The following TUBA1C variants were observed in gnomAD, a reference collection of about 807,000 sequenced individuals.
TUBA1C encodes tubulin alpha-1C chain.
Under a neutral mutation model 34.9 loss-of-function variants are expected in TUBA1C, and 16 were observed. The ratio of observed to expected loss-of-function variants is 0.46; its 90% CI spans 0.31 to 0.70. The LOEUF is 0.70. TUBA1C is among the 30% of genes least tolerant of loss of function. TUBA1C has a pLI of 0.05. For missense variants in TUBA1C, 329 were observed against 587.3 expected (o/e 0.56, Z 4.55); for synonymous variants, 177 against 215.9 (o/e 0.82, Z 1.58).
chr12:49,258,693 G>A (rs1942811721), intron 1 of TUBA1C, among the ~76,000 whole-genome samples: 1 of 151,872 alleles, frequency 6.6e-6, no homozygotes, highest in Non-Finnish European at 1.5e-5. Context: ...CTCCCAAAGT[G>A]CTAGGATTAC....
intron 1 of TUBA1C, among the ~76,000 whole-genome samples, chr12:49,232,310 T>C (rs1447951932): frequency 6.6e-6 from 1 of 152,188 alleles, no homozygotes; most frequent in African/African-American, 2.4e-5. Context: ...CTCAGCACAG[T>C]AAGCTTTCTC....
At chr12:49,265,814 A>T (rs1942899843) in intron 1 of TUBA1C, among the ~76,000 whole-genome samples, 1 of 152,124 alleles carries the variant, frequency 6.6e-6, no homozygotes, top group Non-Finnish European at 1.5e-5. Context: ...GAAGCTTTCT[A>T]CTTAAGCCGG....
At chr12:49,244,156 A>G (rs1456739232) in intron 1 of TUBA1C, among the ~76,000 whole-genome samples, 1 of 151,834 alleles carries the variant, frequency 6.6e-6, no homozygotes, top group Non-Finnish European at 1.5e-5. Context: ...TCTCAAAAAA[A>G]AAAAAAAAAG....
At chr12:49,248,807 G>T (rs1942702491) in intron 1 of TUBA1C, among the ~76,000 whole-genome samples, 1 of 147,922 alleles carries the variant, frequency 6.8e-6, no homozygotes, top group South Asian at 2.1e-4. Context: ...GGCGGAGCTT[G>T]CAGTGAGCCA....
At chr12:49,256,317 TAA>T in intron 1 of TUBA1C, 1 of 401,902 alleles carries the variant, frequency 2.5e-6, no homozygotes, top group South Asian at 1.8e-5. Flanking sequence ...TCGTGCAGAG[TAA>T]AGAGAAAGAA....
In TUBA1C at chr12:49,272,310, A is replaced by T; in HGVS notation, c.433A>T (p.Thr145Ser). 1.2e-6 allele frequency: 2 copies of T among 1,614,010 alleles called. No individual in the cohort carries two copies. Among genetic ancestry groups the T allele is most frequent in the Non-Finnish European group, 1.7e-6 (2 of 1,179,960 alleles). ...FLVFHSFGGGTGSGFTSLLME... is the reference protein window; with the variant it reads ...FLVFHSFGGGSGSGFTSLLME... Reference sequence around the variant, plus strand: ...GGTTTTCCACAGCTTTGGTGGGGGAACTGGTTCTGGGTTCACCTCGCTGCT... The same window carrying T: ...GGTTTTCCACAGCTTTGGTGGGGGATCTGGTTCTGGGTTCACCTCGCTGCT... Residue 145 changes from threonine (T) to serine (S), a missense_variant, in exon 4 of 4, where the codon ACT becomes TCT. Coordinates refer to ENST00000301072, the MANE Select transcript of TUBA1C (RefSeq NM_032704.5).
intron 1 of TUBA1C, among the ~76,000 whole-genome samples, chr12:49,235,073 C>G (rs1051994261): frequency 6.6e-6 from 1 of 151,232 alleles, no homozygotes; most frequent in Non-Finnish European, 1.5e-5. Context: ...GCCTCGGCCT[C>G]CCAAAGTGCT....
In TUBA1C at chr12:49,274,309, TTTTTTG is replaced by T. The variant is rs1943033699; in HGVS notation, c.*1083_*1088del. ...AATTTTTTTTTTTTTTTTTTTTTTT[TTTTTTG>T]GTAGAGATGGGGTTTTGCCATGTTG... On this transcript the variant is annotated 3_prime_UTR_variant, in exon 4 of 4. Coordinates refer to ENST00000301072, the MANE Select transcript of TUBA1C (RefSeq NM_032704.5). The T allele has an allele frequency of 7.4e-6, 1 of 135,920 alleles. No individual in the cohort carries two copies. Among genetic ancestry groups the T allele is most frequent in the African/African-American group, 2.8e-5 (1 of 35,860 alleles). 8.4% of individuals were successfully genotyped at this position (135,920 alleles called of 1,614,324 possible). A position where few individuals can be genotyped will look rare whatever the true frequency, so the allele number is the denominator to read the frequency against.
chr12:49,232,693 T>C (rs1421956572), intron 1 of TUBA1C: 1 of 152,230 alleles, frequency 6.6e-6, no homozygotes, highest in African/African-American at 2.4e-5. Flanking sequence ...AGATATCTGC[T>C]CAGTAACTTA....
chr12:49,240,050 AC>A (rs1942596917), intron 1 of TUBA1C, among the ~76,000 whole-genome samples: 1 of 151,244 alleles, frequency 6.6e-6, no homozygotes, highest in Non-Finnish European at 1.5e-5. Flanking sequence ...ACACACACAC[AC>A]ACACACACAC....
chr12:49,272,226 C>T, intron 3 of TUBA1C, 27 bp from the exon 4 acceptor site: 6 of 1,574,092 alleles, frequency 3.8e-6, no homozygotes, highest in Non-Finnish European at 5.2e-6. Flanking sequence ...TTTCGCAACA[C>T]TAAAATGAAA....
intron 1 of TUBA1C, among the ~76,000 whole-genome samples, chr12:49,230,610 C>T (rs1455763400): frequency 1.3e-5 from 2 of 152,212 alleles, no homozygotes; most frequent in Non-Finnish European, 2.9e-5. Flanking sequence ...GCGACATGTT[C>T]CGTTATGAAT....
At position 49,265,125 on chromosome 12, in the gene TUBA1C, T is replaced by C; in HGVS notation, c.-57T>C. On this transcript the variant is annotated 5_prime_UTR_variant, in exon 1 of 4. Coordinates refer to ENST00000301072, the MANE Select transcript of TUBA1C (RefSeq NM_032704.5). ...TCCTTGGTAGTCTGTTAGTGGGAGA[T>C]CCTTGTTGCCGTCCCTTCGCCTCCT... is the stretch of plus-strand genomic sequence containing the variant. 7.6e-6 allele frequency: 12 copies of C among 1,584,390 alleles called. No individual in the cohort carries two copies. The highest frequency in any genetic ancestry group is 1.0e-5 in the Non-Finnish European group (12 of 1,160,954).
At chr12:49,229,605 C>T (rs1323464501) in intron 1 of TUBA1C, among the ~76,000 whole-genome samples, 1 of 152,122 alleles carries the variant, frequency 6.6e-6, no homozygotes, top group Non-Finnish European at 1.5e-5. Flanking sequence ...AAACCCAGTC[C>T]TCTCCCCAAA....
At position 49,265,099 on chromosome 12, in the gene TUBA1C, C is replaced by T. The variant is rs1357909820; in HGVS notation, c.-83C>T. The T allele has an allele frequency of 1.1e-5, 16 of 1,513,554 alleles. No individual in the cohort carries two copies. The South Asian group carries it at 1.7e-4, about 16-fold the overall frequency. 93.8% of individuals were successfully genotyped at this position (1,513,554 alleles called of 1,614,324 possible). On this transcript the variant is annotated 5_prime_UTR_variant, in exon 1 of 4. Transcript: ENST00000301072. Reference sequence around the variant, plus strand: ...ACCCTTTCACTACTTCTCCCCCGGACTCCTTGGTAGTCTGTTAGTGGGAGA... The same window carrying T: ...ACCCTTTCACTACTTCTCCCCCGGATTCCTTGGTAGTCTGTTAGTGGGAGA...
At chr12:49,228,176 T>C in intron 1 of TUBA1C, 1 of 1,535,538 alleles carries the variant, frequency 6.5e-7, no homozygotes, top group Non-Finnish European at 8.7e-7. Flanking sequence ...GGTAAGGCTG[T>C]AATAGTAATG....
At chr12:49,250,163 C>T (rs1458596249) in intron 1 of TUBA1C, among the ~76,000 whole-genome samples, 1 of 151,880 alleles carries the variant, frequency 6.6e-6, no homozygotes, top group Non-Finnish European at 1.5e-5. Context: ...CGTGCCACTG[C>T]ACTGCAACCT....
chr12:49,258,378 A>G (rs1430730965), intron 1 of TUBA1C, among the ~76,000 whole-genome samples: 1 of 152,086 alleles, frequency 6.6e-6, no homozygotes, highest in South Asian at 2.1e-4. Flanking sequence ...GTTTGTGAGC[A>G]GCCTGGGCAA....
At chr12:49,242,185 T>C (rs541481301) in intron 1 of TUBA1C, among the ~76,000 whole-genome samples, 1 of 151,592 alleles carries the variant, frequency 6.6e-6, no homozygotes, top group Non-Finnish European at 1.5e-5. Context: ...GAGATGGGGT[T>C]TCACCATGTT....
Sources: gnomAD v4.1 joint callset for allele counts (sites outside exome capture counted in the v4.1 genomes callset) on GRCh38, gnomAD v4.1.1 for gene constraint, MANE v1.5 for transcripts, NCBI Gene and HGNC (gene_info 2026-07-23, HGNC 2026-07-21) for gene names.